Variants in STK3 observed in about 807,000 individuals in gnomAD.
The protein encoded by STK3 is serine/threonine kinase 3.
STK3 carries 41 observed loss-of-function variants against 58.0 expected under a neutral mutation model. That is an observed-to-expected ratio of 0.71 (90% CI 0.55 to 0.92). The LOEUF is 0.92. STK3 is among the 40% of genes least tolerant of loss of function. STK3 has a pLI of 0.00. For missense variants in STK3, 479 were observed against 602.7 expected, an observed-to-expected ratio of 0.79 and a Z score of 2.15; for synonymous variants, 170 against 191.0, an observed-to-expected ratio of 0.89 and a Z score of 0.91.
At chr8:98,906,829 A>G (rs994182148) in intron 1 of STK3, among the ~76,000 whole-genome samples, 73 of 152,210 alleles carry the variant, frequency 4.8e-4, no homozygotes, top group African/African-American at 1.6e-3. Context: ...TATTTGCCAC[A>G]TAGTACTTTT....
intron 1 of STK3, among the ~76,000 whole-genome samples, chr8:98,805,597 T>C (rs111301438): frequency 4.5e-4 from 69 of 151,660 alleles, no homozygotes; most frequent in African/African-American, 1.6e-3. Flanking sequence ...ATAATAATAA[T>C]AATAATAACT....
chr8:98,662,781 C>G (rs1040739427), intron 6 of STK3, among the ~76,000 whole-genome samples: 6 of 151,798 alleles, frequency 4.0e-5, no homozygotes, highest in Non-Finnish European at 8.8e-5. Context: ...CCCATTAACT[C>G]GTCATTTAAC....
At chr8:98,438,184 A>G (rs1042392036) in intron 1 of STK3, 5 of 152,186 alleles carry the variant, frequency 3.3e-5, no homozygotes, top group Admixed American at 6.5e-5. Flanking sequence ...TTTTTTACAA[A>G]GCCCTCCTGT....
chr8:98,578,070 T>C, intron 8 of STK3, among the ~76,000 whole-genome samples: 1 of 152,078 alleles, frequency 6.6e-6, no homozygotes, highest in Admixed American at 6.6e-5. Flanking sequence ...TAACAAAGTC[T>C]TAAAAAGTAG....
intron 4 of STK3, among the ~76,000 whole-genome samples, chr8:98,714,483 C>G (rs983666311): frequency 6.6e-6 from 1 of 152,042 alleles, no homozygotes; most frequent in Admixed American, 6.6e-5. Flanking sequence ...TTTTATACAC[C>G]AATAACAGAC....
intron 1 of STK3, among the ~76,000 whole-genome samples, chr8:98,896,646 C>A (rs1838456282): frequency 6.6e-6 from 1 of 152,210 alleles, no homozygotes; most frequent in South Asian, 2.1e-4. Context: ...ACCCTTCAAA[C>A]ATACACACTC....
chr8:98,710,967 C>T (rs1348535687), intron 4 of STK3, among the ~76,000 whole-genome samples: 1 of 152,224 alleles, frequency 6.6e-6, no homozygotes. Flanking sequence ...CAGGCAGCAA[C>T]ATTTGCTGTT....
chr8:98,579,341 T>A (rs6989951), intron 8 of STK3, among the ~76,000 whole-genome samples: 3,527 of 152,242 alleles, frequency 0.023, 128 homozygotes, highest in African/African-American at 0.079. Context: ...GGTGACCAGT[T>A]AAAAGAAAAT....
chr8:98,787,437 T>C (rs1238173980), intron 1 of STK3, among the ~76,000 whole-genome samples: 1 of 151,888 alleles, frequency 6.6e-6, no homozygotes, highest in Non-Finnish European at 1.5e-5. Flanking sequence ...TGGGATTATG[T>C]TAAACGACCA....
At chr8:98,767,469 TA>T in intron 2 of STK3, 98 bp from the exon 3 acceptor site, 11 of 1,105,160 alleles carry the variant, frequency 1.0e-5, no homozygotes, top group Non-Finnish European at 1.2e-5. Context: ...TTTTCTAGTT[TA>T]AAACACTATT....
chr8:98,921,301 A>C (rs1029345010), intron 1 of STK3: 1 of 152,170 alleles, frequency 6.6e-6, no homozygotes, highest in Non-Finnish European at 1.5e-5. Flanking sequence ...GCATGAATGA[A>C]TATGTTGAAT....
At chr8:98,830,888 T>C (rs1434434286) in intron 3 of STK3, among the ~76,000 whole-genome samples, 1 of 143,898 alleles carries the variant, frequency 6.9e-6, no homozygotes, top group African/African-American at 2.6e-5. Flanking sequence ...GAGAATGGCG[T>C]GAACCCGGGA....
intron 3 of STK3, among the ~76,000 whole-genome samples, chr8:98,416,335 T>G (rs1265391469): frequency 6.6e-6 from 1 of 152,076 alleles, no homozygotes; most frequent in Non-Finnish European, 1.5e-5. Context: ...GTCTAAATTT[T>G]TCTCAAAAAT....
At chr8:98,406,338 G>A (rs571806479) in intron 3 of STK3, among the ~76,000 whole-genome samples, 48 of 151,558 alleles carry the variant, frequency 3.2e-4, no homozygotes, top group South Asian at 8.4e-4. Context: ...TACACGTGCC[G>A]GTGTGTTACA....
chr8:98,855,401 C>T (rs1836630854), intron 3 of STK3, among the ~76,000 whole-genome samples: 1 of 152,148 alleles, frequency 6.6e-6, no homozygotes. Flanking sequence ...GAACCAAGAT[C>T]ATTCAATGGG....
intron 6 of STK3, among the ~76,000 whole-genome samples, chr8:98,694,874 G>C (rs1385111180): frequency 2.0e-5 from 3 of 152,208 alleles, no homozygotes; most frequent in Admixed American, 1.3e-4. Context: ...CCAGTAATGG[G>C]ATGGCTGGGT....
chr8:98,777,024 T>G (rs1188058930), intron 1 of STK3, among the ~76,000 whole-genome samples: 1 of 151,192 alleles, frequency 6.6e-6, no homozygotes, highest in African/African-American at 2.4e-5. Flanking sequence ...CACTCCAGCC[T>G]GGGCGACAGA....
chr8:98,612,321 C>A (rs192050171), intron 6 of STK3, among the ~76,000 whole-genome samples: 2 of 150,314 alleles, frequency 1.3e-5, no homozygotes, highest in African/African-American at 4.9e-5. Flanking sequence ...ACTTGGGAAG[C>A]CGAGTGGGGA....
In STK3 at chr8:98,706,635, C is replaced by T; in HGVS notation, c.517-1G>A. 6.3e-7 allele frequency: 1 copy of T among 1,580,584 alleles called. No homozygotes were observed. Among genetic ancestry groups the T allele is most frequent in the African/African-American group, 1.4e-5 (1 of 73,540 alleles). On this transcript the variant is annotated splice_acceptor_variant, in intron 5 of 10. Transcript: ENST00000419617. LOFTEE classifies it high-confidence loss of function. ...CAGTATTGCGTTTTGCCATTGTATCCTGCAATAATGTTACATAGCCATAAA... is the reference window on the plus strand; with the variant it reads ...CAGTATTGCGTTTTGCCATTGTATCTTGCAATAATGTTACATAGCCATAAA...
Sources: allele counts gnomAD v4.1 joint callset (sites outside exome capture counted in the v4.1 genomes callset), GRCh38; gene constraint gnomAD v4.1.1; transcripts MANE v1.5; gene names NCBI Gene and HGNC (gene_info 2026-07-23, HGNC 2026-07-21).